Variants in RCSD1 observed in about 807,000 individuals in gnomAD.
RCSD1 encodes RCSD domain containing 1.
A neutral mutation model predicts 42.5 loss-of-function variants in RCSD1; 26 were observed. The ratio of observed to expected loss-of-function variants is 0.61; its 90% CI spans 0.45 to 0.85. The LOEUF (loss-of-function observed/expected upper bound fraction) is 0.85, where lower values mean the gene tolerates loss of function less well. Ranked by LOEUF, RCSD1 falls within the 40% of genes least tolerant of loss-of-function variation. The pLI is 0.00. For missense variants in RCSD1, 571 were observed against 528.3 expected, an observed-to-expected ratio of 1.08 and a Z score of -0.79; for synonymous variants, 220 against 212.2, an observed-to-expected ratio of 1.04 and a Z score of -0.32.
chr1:167,697,942 C>T (rs751745928), intron 6 of RCSD1, 100 bp downstream of exon 6: 19 of 1,271,782 alleles, frequency 1.5e-5, no homozygotes, highest in Non-Finnish European at 1.8e-5. Flanking sequence ...TAAATCAGCT[C>T]GACATGCAGA....
intron 5 of RCSD1, among the ~76,000 whole-genome samples, chr1:167,695,415 T>A (rs1320574758): frequency 6.6e-6 from 1 of 152,226 alleles, no homozygotes; most frequent in Non-Finnish European, 1.5e-5. Flanking sequence ...AAGAAAGGGC[T>A]TGGGAGGCCC....
At chr1:167,693,052 G>A (rs1308688006) in intron 4 of RCSD1, among the ~76,000 whole-genome samples, 3 of 152,204 alleles carry the variant, frequency 2.0e-5, no homozygotes, top group Non-Finnish European at 4.4e-5. Context: ...AGGCCTGAAG[G>A]TCACACTGCT....
chr1:167,669,984 GAC>G (rs1658762757), intron 1 of RCSD1, among the ~76,000 whole-genome samples: 1 of 64,970 alleles, frequency 1.5e-5, no homozygotes, highest in Admixed American at 1.4e-4. Context: ...CAGACCTCAG[GAC>G]ACACACGCAC....
At chr1:167,685,960 T>C (rs534385740) in intron 3 of RCSD1, among the ~76,000 whole-genome samples, 1 of 152,258 alleles carries the variant, frequency 6.6e-6, no homozygotes, top group South Asian at 2.1e-4. Flanking sequence ...GCAGTATCCT[T>C]GTAAAGCCTG....
rs376757851 is a variant in RCSD1, at chr1:167,697,476, G to T, written c.852G>T (p.Ser284=). Residue 284 remains serine (S), a synonymous_variant, in exon 6 of 7, where the codon TCG becomes TCT. Transcript: ENST00000367854. ...CGGCCCAAGAGGAGGTCCCGGAATC[G>T]CCCCAGACCTCTGGCCCAGAGGCAG... The part of the protein sequence containing the change: ...QHPAQEEVPE[S]PQTSGPEAEN... The T allele has an allele frequency of 6.2e-7, 1 of 1,609,704 alleles. No individual in the cohort carries two copies. The highest frequency in any genetic ancestry group is 1.3e-5 in the African/African-American group (1 of 74,826).
chr1:167,651,055 T>C (rs1400745408), intron 1 of RCSD1, among the ~76,000 whole-genome samples: 3 of 152,196 alleles, frequency 2.0e-5, no homozygotes, highest in African/African-American at 7.2e-5. Flanking sequence ...TCTGTGCGTG[T>C]CTGTGTCCTC....
chr1:167,699,965 G>A (rs1434921981), intron 6 of RCSD1, among the ~76,000 whole-genome samples: 1 of 152,090 alleles, frequency 6.6e-6, no homozygotes, highest in Non-Finnish European at 1.5e-5. Context: ...TTTCTCCCAC[G>A]ATTCTACTTT....
intron 3 of RCSD1, among the ~76,000 whole-genome samples, chr1:167,686,769 T>C (rs1659246287): frequency 6.6e-6 from 1 of 152,220 alleles, no homozygotes; most frequent in African/African-American, 2.4e-5. Flanking sequence ...AACTTCTCCT[T>C]GTAACCTTCA....
rs144714339 is a variant in RCSD1, at chr1:167,697,724, G to A, written c.1100G>A (p.Gly367Asp). The A allele has an allele frequency of 3.1e-6, 5 of 1,588,226 alleles. No individual in the cohort carries two copies. Among genetic ancestry groups the A allele is most frequent in the Non-Finnish European group, 4.3e-6 (5 of 1,168,894 alleles). ...GGAGATGTCCCCAAGCAGGAAAAAG[G>A]CAAGGAAAAACAACAGGAGGGGGCA... ...KGGDVPKQEK[G>D]KEKQQEGAVL... Residue 367 changes from glycine (G) to aspartate (D), a missense_variant, in exon 6 of 7, where the codon GGC becomes GAC. By Grantham distance (94) the Gly-to-Asp change is moderately conservative (BLOSUM62 -1). Transcript: ENST00000367854.
chr1:167,692,700 A>G (rs1395561410), intron 4 of RCSD1, among the ~76,000 whole-genome samples: 2 of 152,030 alleles, frequency 1.3e-5, no homozygotes, highest in Non-Finnish European at 2.9e-5. Flanking sequence ...CTAGTATGCT[A>G]TTTAACTTTC....
chr1:167,657,264 T>C (rs895544715), intron 1 of RCSD1, among the ~76,000 whole-genome samples: 7 of 152,236 alleles, frequency 4.6e-5, no homozygotes, highest in Admixed American at 3.3e-4. Flanking sequence ...GATGGATCTA[T>C]GCTTGTTTGT....
intron 1 of RCSD1, among the ~76,000 whole-genome samples, chr1:167,648,845 G>C (rs189230961): frequency 1.3e-5 from 2 of 152,314 alleles, no homozygotes; most frequent in East Asian, 3.9e-4. Flanking sequence ...TCCTGAGCAA[G>C]AGTGGCCTGA....
At chr1:167,704,556 C>T (rs2101728198) in intron 6 of RCSD1, 108 bp from the exon 7 acceptor site, 1 of 922,520 alleles carries the variant, frequency 1.1e-6, no homozygotes, top group South Asian at 1.4e-5. Flanking sequence ...CTTACTATTA[C>T]TCCTACTGTT....
At chr1:167,676,600 TC>T (rs1418073337) in intron 1 of RCSD1, among the ~76,000 whole-genome samples, 1 of 152,192 alleles carries the variant, frequency 6.6e-6, no homozygotes, top group African/African-American at 2.4e-5. Context: ...GAGACAAATT[TC>T]CCACCATCAT....
At chr1:167,677,646 A>G (rs548102227) in intron 1 of RCSD1, among the ~76,000 whole-genome samples, 1 of 152,228 alleles carries the variant, frequency 6.6e-6, no homozygotes, top group Non-Finnish European at 1.5e-5. Context: ...AGAGATGAGT[A>G]GAGGAAACAG....
intron 1 of RCSD1, among the ~76,000 whole-genome samples, chr1:167,639,141 C>T (rs1409321223): frequency 1.3e-5 from 2 of 152,106 alleles, no homozygotes; most frequent in South Asian, 2.1e-4. Context: ...GGCGTGAACC[C>T]GGGAAGCGGA....
chr1:167,703,094 T>C (rs960351869), intron 6 of RCSD1, among the ~76,000 whole-genome samples: 2 of 152,212 alleles, frequency 1.3e-5, no homozygotes, highest in African/African-American at 4.8e-5. Flanking sequence ...CCTACCTTTG[T>C]AACTTTGTAG....
At position 167,670,357 on chromosome 1, in the gene RCSD1, G is replaced by GAAAA. The variant is rs58634704; in HGVS notation, c.7-13530_7-13527dup. 4.1e-3 allele frequency among the ~76,000 whole-genome samples: 545 copies of GAAAA among 132,340 alleles called. 10 individuals are homozygous for GAAAA. Among genetic ancestry groups the GAAAA allele is most frequent in the Non-Finnish European group, 5.5e-3 (338 of 61,702 alleles). The allele number at this position is 132,340 out of a possible 152,430, so 86.8% of individuals were successfully genotyped here. The stretch of plus-strand genomic sequence containing the variant: ...TTTCCCACTCTTTCCCTTTGCAAAA[G>GAAAA]AAAAAAAAAAAAAAAACCACTCGAG... On this transcript the variant is annotated intron_variant, in intron 1 of 6. Transcript: ENST00000367854.
At chr1:167,692,517 T>A (rs540325192) in intron 4 of RCSD1, among the ~76,000 whole-genome samples, 6 of 151,466 alleles carry the variant, frequency 4.0e-5, no homozygotes, top group East Asian at 1.9e-4. Context: ...TGCCGCTTTT[T>A]TTTTTATTTT....
Sources: allele counts gnomAD v4.1 joint callset (sites outside exome capture counted in the v4.1 genomes callset), GRCh38; gene constraint gnomAD v4.1.1; transcripts MANE v1.5; gene names NCBI Gene and HGNC (gene_info 2026-07-23, HGNC 2026-07-21).